CNTNAP5: variants seen among roughly 807,000 people sequenced by gnomAD.
The protein encoded by CNTNAP5 is contactin-associated protein-like 5.
CNTNAP5 carries 72 observed loss-of-function variants against 150.2 expected under a neutral mutation model. The observed-to-expected ratio is 0.48, with a 90% CI of 0.40 to 0.58. The LOEUF is 0.58. CNTNAP5 is among the 20% of genes least tolerant of loss of function. The probability of loss-of-function intolerance (pLI) is 0.00; values close to 1 mark genes in which losing one functional copy is unlikely to be tolerated. For synonymous variants in CNTNAP5, 672 were observed against 619.8 expected (o/e 1.08, Z -1.25); for missense variants, 1,636 against 1,626.2 (o/e 1.01, Z -0.10).
At chr2:124,592,835 A>G (rs72841370) in intron 11 of CNTNAP5, among the ~76,000 whole-genome samples, 3,194 of 152,112 alleles carry the variant, frequency 0.021, 39 homozygotes, top group Middle Eastern at 0.037. Context: ...TTTAACTTGT[A>G]AAAGTATATT....
chr2:124,633,428 A>T (rs573413634), intron 12 of CNTNAP5, among the ~76,000 whole-genome samples: 9 of 152,212 alleles, frequency 5.9e-5, no homozygotes, highest in Non-Finnish European at 1.2e-4. Flanking sequence ...GCTCCAAAAT[A>T]ATCTCTTTTG....
At chr2:124,667,021 G>T (rs373006988) in intron 13 of CNTNAP5, among the ~76,000 whole-genome samples, 147 of 102,804 alleles carry the variant, frequency 1.4e-3, no homozygotes, top group African/African-American at 4.5e-3. Flanking sequence ...TAAGAAGAAC[G>T]ATGGGGGAAA....
chr2:124,541,349 T>C (rs1257219538), intron 10 of CNTNAP5, among the ~76,000 whole-genome samples: 1 of 151,588 alleles, frequency 6.6e-6, no homozygotes. Flanking sequence ...GCTGCCATGG[T>C]TAAAGGGTCA....
At chr2:124,820,785 A>G (rs1266836047) in intron 19 of CNTNAP5, among the ~76,000 whole-genome samples, 1 of 152,224 alleles carries the variant, frequency 6.6e-6, no homozygotes, top group Non-Finnish European at 1.5e-5. Context: ...ACAAATCCCA[A>G]ATCTCAGTAG....
chr2:124,733,542 A>AT (rs999619044), intron 13 of CNTNAP5, among the ~76,000 whole-genome samples: 19 of 150,634 alleles, frequency 1.3e-4, no homozygotes, highest in South Asian at 2.1e-4. Flanking sequence ...AACGAACAAG[A>AT]TTTTTTTTTT....
intron 1 of CNTNAP5, among the ~76,000 whole-genome samples, chr2:124,153,812 T>C (rs1684461362): frequency 6.6e-6 from 1 of 151,832 alleles, no homozygotes; most frequent in Non-Finnish European, 1.5e-5. Context: ...AGTTTCACTA[T>C]ATGTTGGCCA....
chr2:124,552,982 A>T (rs529449603), intron 10 of CNTNAP5, among the ~76,000 whole-genome samples: 2 of 152,318 alleles, frequency 1.3e-5, no homozygotes, highest in Non-Finnish European at 2.9e-5. Context: ...GTTATCAATG[A>T]TAATAATTTT....
At chr2:124,711,176 C>T (rs999273343) in intron 13 of CNTNAP5, among the ~76,000 whole-genome samples, 1 of 152,022 alleles carries the variant, frequency 6.6e-6, no homozygotes, top group African/African-American at 2.4e-5. Context: ...GAGGCTGAGA[C>T]AGGAGAACAG....
chr2:124,039,719 C>T (rs1026526208), intron 1 of CNTNAP5, among the ~76,000 whole-genome samples: 39 of 152,096 alleles, frequency 2.6e-4, no homozygotes, highest in Non-Finnish European at 5.3e-4. Context: ...TGCGCTCTCT[C>T]CTCCCCCCAG....
intron 13 of CNTNAP5, among the ~76,000 whole-genome samples, chr2:124,681,627 G>T (rs1187496650): frequency 6.6e-6 from 1 of 152,110 alleles, no homozygotes; most frequent in Non-Finnish European, 1.5e-5. Context: ...GCAGTGCTAC[G>T]ATCTCTGCTC....
intron 19 of CNTNAP5, among the ~76,000 whole-genome samples, chr2:124,829,023 C>A (rs1279766115): frequency 1.3e-5 from 2 of 152,070 alleles, no homozygotes; most frequent in Non-Finnish European, 2.9e-5. Flanking sequence ...TCATAGATTA[C>A]AAAGGCACAA....
intron 14 of CNTNAP5, among the ~76,000 whole-genome samples, chr2:124,748,436 T>A (rs1380450648): frequency 6.6e-6 from 1 of 152,208 alleles, no homozygotes; most frequent in Non-Finnish European, 1.5e-5. Context: ...AACTGCTAGT[T>A]TTTTACTGTA....
At chr2:124,565,574 C>CTTTTTTT (rs776732335) in intron 11 of CNTNAP5, among the ~76,000 whole-genome samples, 5 of 68,440 alleles carry the variant, frequency 7.3e-5, no homozygotes, top group African/African-American at 2.4e-4. Flanking sequence ...TACCTAGATC[C>CTTTTTTT]TTTTTTTTTT....
intron 6 of CNTNAP5, 137 bp downstream of exon 6, chr2:124,447,074 T>C (rs964594155): frequency 3.9e-6 from 3 of 772,760 alleles, no homozygotes; most frequent in Admixed American, 2.8e-5. Context: ...CCTCCATCTA[T>C]GCCAGATAGT....
At chr2:124,228,433 C>A (rs367786979) in intron 2 of CNTNAP5, among the ~76,000 whole-genome samples, 1 of 152,148 alleles carries the variant, frequency 6.6e-6, no homozygotes, top group African/African-American at 2.4e-5. Flanking sequence ...TTAACCCAGT[C>A]AACTTGACAC....
At chr2:124,130,797 T>G (rs1683826361) in intron 1 of CNTNAP5, among the ~76,000 whole-genome samples, 1 of 152,160 alleles carries the variant, frequency 6.6e-6, no homozygotes, top group South Asian at 2.1e-4. Context: ...TAAACTGTCA[T>G]AGAGAATCTT....
intron 1 of CNTNAP5, among the ~76,000 whole-genome samples, chr2:124,172,566 T>C (rs1684958754): frequency 6.6e-6 from 1 of 152,104 alleles, no homozygotes; most frequent in Non-Finnish European, 1.5e-5. Context: ...GCATGCACCA[T>C]CATGCCCAGC....
intron 3 of CNTNAP5, among the ~76,000 whole-genome samples, chr2:124,270,880 T>C (rs1238833109): frequency 1.3e-5 from 2 of 152,214 alleles, no homozygotes; most frequent in African/African-American, 4.8e-5. Flanking sequence ...TGTTAGAATA[T>C]GTATGCTTAT....
At chr2:124,277,979 C>G (rs1432052808) in intron 3 of CNTNAP5, among the ~76,000 whole-genome samples, 1 of 152,130 alleles carries the variant, frequency 6.6e-6, no homozygotes, top group South Asian at 2.1e-4. Context: ...GAGGAAACAG[C>G]CACGTCATTG....
Sources: allele counts gnomAD v4.1 joint callset (sites outside exome capture counted in the v4.1 genomes callset), GRCh38; gene constraint gnomAD v4.1.1; transcripts MANE v1.5; gene names NCBI Gene and HGNC (gene_info 2026-07-23, HGNC 2026-07-21).